SMOC1: variants seen among roughly 807,000 people sequenced by gnomAD.
The protein encoded by SMOC1 is SPARC related modular calcium binding 1, also known as SPARC-related modular calcium-binding protein 1.
A neutral mutation model predicts 56.3 loss-of-function variants in SMOC1; 22 were observed. The ratio of observed to expected loss-of-function variants is 0.39; its 90% confidence interval spans 0.28 to 0.56. SMOC1 has a LOEUF of 0.56. SMOC1 is among the 20% of genes least tolerant of loss of function. SMOC1 has a pLI of 0.61. For missense variants in SMOC1, 509 were observed against 565.4 expected (o/e 0.90, Z 1.01); for synonymous variants, 193 against 215.0 (o/e 0.90, Z 0.89).
In SMOC1 at chr14:70,023,371, C is replaced by G. The variant is rs376161958; in HGVS notation, c.1215C>G (p.Thr405=). 31 of 1,614,128 alleles carry G rather than the reference C, an allele frequency of 1.9e-5. No homozygotes were observed. The East Asian group carries it at 6.9e-4, about 36-fold the overall frequency. Residue 405 remains threonine, a synonymous_variant, in exon 11 of 12, where the codon ACC becomes ACG. Coordinates refer to ENST00000361956, the MANE Select transcript of SMOC1 (RefSeq NM_001034852.3). ...AKPKKCARRF[T]DYCDLNKDKV... Reference sequence around the variant, plus strand: ...CCAAGAAATGTGCCCGGCGTTTCACCGACTACTGTGACCTGAACAAAGACA... The same window carrying G: ...CCAAGAAATGTGCCCGGCGTTTCACGGACTACTGTGACCTGAACAAAGACA...
intron 5 of SMOC1, among the ~76,000 whole-genome samples, chr14:69,984,850 C>G (rs906196611): frequency 6.6e-6 from 1 of 150,566 alleles, no homozygotes; most frequent in Admixed American, 6.6e-5. Flanking sequence ...GAGCGAGACT[C>G]CATCTCAAAC....
chr14:69,901,298 G>A (rs1884235742), intron 1 of SMOC1, among the ~76,000 whole-genome samples: 1 of 152,200 alleles, frequency 6.6e-6, no homozygotes, highest in African/African-American at 2.4e-5. Context: ...TAACCAGGAG[G>A]TGCATTTTGA....
intron 1 of SMOC1, among the ~76,000 whole-genome samples, chr14:69,902,601 CTCTCCCTCTCCCTCTCCCCACGG>C (rs1188757166): frequency 6.6e-6 from 1 of 151,960 alleles, no homozygotes; most frequent in Admixed American, 6.5e-5. Flanking sequence ...CCATCTAGCC[CTCTCCCTCTCCCTCTCCCCACGG>C]TCTCCCTCTC....
At chr14:69,955,266 T>C (rs1883143256) in intron 3 of SMOC1, among the ~76,000 whole-genome samples, 1 of 152,030 alleles carries the variant, frequency 6.6e-6, no homozygotes, top group Non-Finnish European at 1.5e-5. Context: ...CTCTGAGGTG[T>C]GTTCTGGAAG....
intron 1 of SMOC1, among the ~76,000 whole-genome samples, chr14:69,949,414 G>T (rs1364076981): frequency 6.6e-6 from 1 of 152,212 alleles, no homozygotes; most frequent in Non-Finnish European, 1.5e-5. Flanking sequence ...TAGATGCTCG[G>T]GGGAGGTGTT....
chr14:69,888,890 T>C (rs1200932968), intron 1 of SMOC1, among the ~76,000 whole-genome samples: 1 of 152,130 alleles, frequency 6.6e-6, no homozygotes, highest in Non-Finnish European at 1.5e-5. Context: ...TAGGGAGTGT[T>C]ATAAAAGGAC....
chr14:69,974,486 G>A (rs1594832634), intron 3 of SMOC1, among the ~76,000 whole-genome samples: 2 of 152,280 alleles, frequency 1.3e-5, no homozygotes, highest in South Asian at 4.2e-4. Context: ...TGGAGGGTGT[G>A]TGCTGGGACA....
At chr14:69,917,505 G>T (rs1321596034) in intron 1 of SMOC1, among the ~76,000 whole-genome samples, 2 of 152,234 alleles carry the variant, frequency 1.3e-5, no homozygotes, top group Non-Finnish European at 2.9e-5. Flanking sequence ...GACACATTTA[G>T]AAAACATTTA....
In SMOC1 at chr14:69,953,425, G is replaced by A; in HGVS notation, c.271G>A (p.Gly91Ser). Reference protein sequence around the residue: ...VVHRGRCKDAGQSKCRLERAQ... With the variant: ...VVHRGRCKDASQSKCRLERAQ... The stretch of plus-strand genomic sequence containing the variant: ...CTGCTCCTCTCCTCTTTCAGATGCT[G>A]GCCAGAGCAAGTGTCGCCTGGAGCG... The change falls in exon 3 of 12, where the codon GGC (glycine) becomes AGC (serine). Residue 91 changes from glycine (G) to serine (S), a missense_variant. Coordinates refer to ENST00000361956, the MANE Select transcript of SMOC1 (RefSeq NM_001034852.3). The A allele has an allele frequency of 1.9e-6, 3 of 1,614,096 alleles. No homozygotes were observed. The highest frequency in any genetic ancestry group is 2.5e-6 in the Non-Finnish European group (3 of 1,179,912).
At chr14:69,911,937 C>G (rs1355551942) in intron 1 of SMOC1, among the ~76,000 whole-genome samples, 2 of 152,134 alleles carry the variant, frequency 1.3e-5, no homozygotes. Flanking sequence ...ACACTGTTTT[C>G]CAGAGTGACT....
intron 11 of SMOC1, among the ~76,000 whole-genome samples, chr14:70,027,084 C>T (rs1245965573): frequency 6.6e-6 from 1 of 152,164 alleles, no homozygotes; most frequent in African/African-American, 2.4e-5. Context: ...TCCCCACTCT[C>T]CATTTCAACA....
Position 70,031,929 on chromosome 14 carries a change from G to T in SMOC1, c.*1671G>T, listed in dbSNP as rs1400733979. 6.6e-6 allele frequency: 1 copy of T among 152,382 alleles called. No homozygotes were observed. Among genetic ancestry groups the T allele is most frequent in the African/African-American group, 2.4e-5 (1 of 41,460 alleles). 9.4% of individuals were successfully genotyped at this position (152,382 alleles called of 1,614,324 possible). Reference sequence around the variant, plus strand: ...TCCACCCGTTCCGGGTCTGGAAGGCGTTGGCACCACAAGCACTGTCCCTGT... The same window carrying T: ...TCCACCCGTTCCGGGTCTGGAAGGCTTTGGCACCACAAGCACTGTCCCTGT... On this transcript the variant is annotated 3_prime_UTR_variant, in exon 12 of 12. Coordinates refer to ENST00000361956, the MANE Select transcript of SMOC1 (RefSeq NM_001034852.3).
At chr14:69,977,629 G>A (rs1050136185) in intron 4 of SMOC1, among the ~76,000 whole-genome samples, 3 of 152,160 alleles carry the variant, frequency 2.0e-5, no homozygotes, top group Admixed American at 6.5e-5. Flanking sequence ...TTCAACTAGG[G>A]AGTTATATGA....
chr14:70,025,478 C>T (rs369202045), intron 11 of SMOC1, among the ~76,000 whole-genome samples: 29 of 152,108 alleles, frequency 1.9e-4, no homozygotes, highest in Non-Finnish European at 4.3e-4. Flanking sequence ...GCCTGTCTGA[C>T]GCGGATGCTT....
intron 3 of SMOC1, among the ~76,000 whole-genome samples, chr14:69,958,741 A>G (rs1020412296): frequency 1.3e-5 from 2 of 152,226 alleles, no homozygotes. Flanking sequence ...ATTTAGCCAC[A>G]AGGATTACAA....
chr14:69,991,962 A>G (rs1025603841), intron 5 of SMOC1, among the ~76,000 whole-genome samples: 2 of 152,182 alleles, frequency 1.3e-5, no homozygotes, highest in Non-Finnish European at 2.9e-5. Flanking sequence ...AATCAGGGCC[A>G]CTGAGCTGGT....
At position 69,879,727 on chromosome 14, in the gene SMOC1, G is replaced by A. The variant is rs1401545091; in HGVS notation, c.49G>A (p.Val17Met). 1 of 1,591,698 alleles carries A rather than the reference G, an allele frequency of 6.3e-7. No homozygotes were observed. ...ARLLTPHLLL[V>M]LVQLSPARGH... ...CCTGCTCACGCCCCACTTGCTGCTG[G>A]TGTTGGTGCAGCTGTCCCCTGCTCG... The change falls in exon 1 of 12, where the codon GTG becomes ATG. Residue 17 changes from valine (V) to methionine (M), a missense_variant. Val to Met is a conservative substitution (Grantham distance 21). Transcript: ENST00000361956.
chr14:69,885,677 A>T, intron 1 of SMOC1: 1 of 1,448,508 alleles, frequency 6.9e-7, no homozygotes, highest in Admixed American at 1.7e-5. Context: ...TGAAATCACC[A>T]CCAGCTGAGC....
chr14:69,998,609 G>A (rs1225145906), intron 7 of SMOC1, among the ~76,000 whole-genome samples: 1 of 152,082 alleles, frequency 6.6e-6, no homozygotes, highest in Non-Finnish European at 1.5e-5. Context: ...ACTATGTGCA[G>A]GCACTTTCCT....
Sources: gnomAD v4.1 joint callset for allele counts (sites outside exome capture counted in the v4.1 genomes callset) on GRCh38, gnomAD v4.1.1 for gene constraint, MANE v1.5 for transcripts, NCBI Gene and HGNC (gene_info 2026-07-23, HGNC 2026-07-21) for gene names.